The following MAGI2 variants were observed in gnomAD, a reference collection of about 807,000 sequenced individuals.
MAGI2 encodes membrane-associated guanylate kinase, WW and PDZ domain-containing protein 2.
In MAGI2, 35 loss-of-function variants were observed where a neutral mutation model predicts 133.3. The observed-to-expected ratio is 0.26, with a 90% confidence interval of 0.20 to 0.35. The LOEUF is 0.35. Among genes scored for constraint, MAGI2 ranks in the 10% least tolerant of loss-of-function variants. The pLI is 1.00. For missense variants in MAGI2, 1,636 were observed against 1,863.4 expected (o/e 0.88, Z 2.25); for synonymous variants, 729 against 710.6 (o/e 1.03, Z -0.41).
intron 9 of MAGI2, among the ~76,000 whole-genome samples, chr7:78,306,167 T>C (rs887077241): frequency 4.6e-5 from 7 of 152,196 alleles, no homozygotes. Flanking sequence ...CTTGAAAGGC[T>C]TCTTCTTAGT....
chr7:78,842,247 G>A (rs946492906), intron 2 of MAGI2, among the ~76,000 whole-genome samples: 5 of 151,998 alleles, frequency 3.3e-5, no homozygotes, highest in Admixed American at 1.3e-4. Flanking sequence ...TGTAAGGAGA[G>A]ATGTGGGGAA....
chr7:78,445,870 T>C (rs1788080266), intron 6 of MAGI2, among the ~76,000 whole-genome samples: 1 of 151,932 alleles, frequency 6.6e-6, no homozygotes, highest in African/African-American at 2.4e-5. Context: ...TTCATACAAT[T>C]TTTTTCTTTT....
intron 1 of MAGI2, among the ~76,000 whole-genome samples, chr7:79,051,718 G>T (rs118169821): frequency 0.017 from 2,529 of 152,148 alleles, 27 homozygotes; most frequent in South Asian, 0.061. Context: ...AATGTAATGG[G>T]CACACTGGGG....
At chr7:78,128,857 A>G (rs1470040326) in intron 18 of MAGI2, among the ~76,000 whole-genome samples, 1 of 152,206 alleles carries the variant, frequency 6.6e-6, no homozygotes, top group Admixed American at 6.5e-5. Flanking sequence ...TTTATACCTC[A>G]ATTGTCCACT....
At chr7:78,603,023 G>C (rs1313218471) in intron 3 of MAGI2, among the ~76,000 whole-genome samples, 2 of 152,126 alleles carry the variant, frequency 1.3e-5, no homozygotes, top group African/African-American at 4.8e-5. Flanking sequence ...ACTTTAAAAA[G>C]CAAGCTCCTT....
At chr7:79,200,683 C>T (rs868070768) in intron 1 of MAGI2, among the ~76,000 whole-genome samples, 9 of 151,580 alleles carry the variant, frequency 5.9e-5, no homozygotes, top group African/African-American at 2.2e-4. Context: ...AAAGTGTTAT[C>T]CCCATTGTTC....
At chr7:79,101,399 C>T (rs968786130) in intron 1 of MAGI2, among the ~76,000 whole-genome samples, 6 of 152,200 alleles carry the variant, frequency 3.9e-5, no homozygotes, top group African/African-American at 1.4e-4. Context: ...GTAAGAAGGG[C>T]TCTACTAAAG....
At chr7:78,987,584 G>A (rs1435113724) in intron 2 of MAGI2, among the ~76,000 whole-genome samples, 4 of 151,976 alleles carry the variant, frequency 2.6e-5, no homozygotes, top group African/African-American at 9.7e-5. Flanking sequence ...AGTTCAAGGT[G>A]CAAAAGAGAC....
At chr7:79,374,477 C>T (rs983112817) in intron 1 of MAGI2, among the ~76,000 whole-genome samples, 10 of 151,996 alleles carry the variant, frequency 6.6e-5, no homozygotes, top group African/African-American at 2.4e-4. Flanking sequence ...AGCATGGCCC[C>T]GCCAACACCT....
At chr7:79,430,437 T>C (rs1847698559) in intron 1 of MAGI2, among the ~76,000 whole-genome samples, 1 of 152,228 alleles carries the variant, frequency 6.6e-6, no homozygotes, top group South Asian at 2.1e-4. Context: ...TAAGTTCTTA[T>C]CAAGTCCTTT....
intron 1 of MAGI2, among the ~76,000 whole-genome samples, chr7:79,235,665 G>A (rs572421027): frequency 9.9e-5 from 15 of 152,214 alleles, no homozygotes; most frequent in African/African-American, 2.4e-4. Context: ...CGCACGGTGC[G>A]CGCACCCACT....
At chr7:79,087,999 A>T (rs1816683356) in intron 1 of MAGI2, among the ~76,000 whole-genome samples, 1 of 151,918 alleles carries the variant, frequency 6.6e-6, no homozygotes, top group Non-Finnish European at 1.5e-5. Context: ...TCCATACTAA[A>T]TGTAAAGTAG....
At chr7:78,493,096 A>C (rs963334996) in intron 5 of MAGI2, among the ~76,000 whole-genome samples, 6 of 152,172 alleles carry the variant, frequency 3.9e-5, no homozygotes, top group African/African-American at 1.4e-4. Flanking sequence ...CTCTGATGTT[A>C]AACTAAACAC....
At chr7:78,480,380 A>C (rs1042992221) in intron 6 of MAGI2, among the ~76,000 whole-genome samples, 5 of 151,590 alleles carry the variant, frequency 3.3e-5, no homozygotes, top group African/African-American at 9.7e-5. Context: ...AAGACAGTAC[A>C]AAAAAAAATT....
At chr7:79,147,819 G>T (rs1397499944) in intron 1 of MAGI2, among the ~76,000 whole-genome samples, 1 of 152,156 alleles carries the variant, frequency 6.6e-6, no homozygotes, top group Non-Finnish European at 1.5e-5. Context: ...GCTCTGGGTG[G>T]GTCAGGTGCC....
intron 2 of MAGI2, among the ~76,000 whole-genome samples, chr7:78,705,881 A>C (rs1036610617): frequency 6.6e-6 from 1 of 151,762 alleles, no homozygotes; most frequent in Admixed American, 6.6e-5. Flanking sequence ...GTTTTTAACA[A>C]ATGACAGTTT....
intron 1 of MAGI2, among the ~76,000 whole-genome samples, chr7:79,293,259 G>C (rs17152178): frequency 0.16 from 23,679 of 152,018 alleles, 1,920 homozygotes; most frequent in South Asian, 0.26. Flanking sequence ...ATACCATCTA[G>C]TGTTACAAAA....
rs1177527112 is a variant in MAGI2, at chr7:79,139,438, T to C, written c.302-132232A>G. Among the ~76,000 whole-genome samples, 3 of 152,168 alleles carry C rather than the reference T, an allele frequency of 2.0e-5. No homozygotes were observed. In the East Asian group the frequency reaches 5.8e-4, roughly 29 times the overall value. On this transcript the variant is annotated intron_variant, in intron 1 of 21. Coordinates refer to ENST00000354212, the MANE Select transcript of MAGI2 (RefSeq NM_012301.4). ...ACACTGGGACTCAGGGAGGTTACAC[T>C]TGGATACAGAACATGTGCAGACACA...
At chr7:79,309,638 T>G in intron 1 of MAGI2, among the ~76,000 whole-genome samples, 1 of 152,016 alleles carries the variant, frequency 6.6e-6, no homozygotes, top group Admixed American at 6.6e-5. Context: ...AATCTGTCTA[T>G]AAGTATTTAG....
Sources: gnomAD v4.1 joint callset for allele counts (sites outside exome capture counted in the v4.1 genomes callset) on GRCh38, gnomAD v4.1.1 for gene constraint, MANE v1.5 for transcripts, NCBI Gene and HGNC (gene_info 2026-07-23, HGNC 2026-07-21) for gene names.